TRPM1: variants seen among roughly 807,000 people sequenced by gnomAD.
TRPM1 encodes TRPM1-203 APA Isoform, Intron 10.
In TRPM1, 113 loss-of-function variants were observed where a neutral mutation model predicts 149.4. The observed-to-expected ratio is 0.76, with a 90% CI of 0.65 to 0.88. The LOEUF is 0.88. Ranked by LOEUF, TRPM1 falls within the 40% of genes least tolerant of loss-of-function variation. TRPM1 has a pLI of 0.00. For missense variants in TRPM1, 1,976 were observed against 2,038.7 expected, an observed-to-expected ratio of 0.97 and a Z score of 0.59; for synonymous variants, 741 against 759.5, an observed-to-expected ratio of 0.98 and a Z score of 0.40.
rs138567376 is a variant in TRPM1 at position 31,057,914 on chromosome 15, C to T, written c.1263+2630G>A. 6.0e-3 allele frequency among the ~76,000 whole-genome samples: 913 copies of T among 152,342 alleles called. 5 individuals carry two copies. Among genetic ancestry groups the T allele is most frequent in the Non-Finnish European group, 9.0e-3 (614 of 68,032 alleles). The stretch of plus-strand genomic sequence containing the variant: ...CAGCCCCTTGTGCTCTTTTCTCTCT[C>T]TCATGGGCTGCCGTGTAAGATGTGC... On this transcript the variant is annotated intron_variant, in intron 11 of 27. Coordinates refer to ENST00000256552, the MANE Select transcript of TRPM1 (RefSeq NM_001252024.2).
chr15:31,105,487 G>GCA (rs1491157726), upstream of TRPM1, among the ~76,000 whole-genome samples: 101 of 151,106 alleles, frequency 6.7e-4, 1 homozygote, highest in Non-Finnish European at 1.2e-3. Context: ...GCGCGCGCGC[G>GCA]TGCATCTGTA....
In TRPM1 at chr15:31,067,911, C is replaced by A; in HGVS notation, c.461G>T (p.Gly154Val). 1.9e-6 allele frequency: 3 copies of A among 1,613,574 alleles called. No individual in the cohort carries two copies. The highest frequency in any genetic ancestry group is 8.5e-7 in the Non-Finnish European group (1 of 1,179,964). Residue 154 changes from glycine to valine, a missense_variant, in exon 5 of 28, where the codon GGG becomes GTG. By Grantham distance (109) the Gly-to-Val change is moderately radical (BLOSUM62 -3). Transcript: ENST00000256552. ...KGLIKAAMTTGAWIFTGGVST... is the reference protein window; with the variant it reads ...KGLIKAAMTTVAWIFTGGVST... ...GACACCCCCGGTGAAGATCCAGGCC[C>A]CGGTGGTCATAGCAGCCTTGATCAG...
chr15:31,041,354 G>A (rs1269009626), intron 17 of TRPM1, among the ~76,000 whole-genome samples: 1 of 152,144 alleles, frequency 6.6e-6, no homozygotes, highest in Admixed American at 6.5e-5. Context: ...GTTTCACCAT[G>A]TTAGCCAGGA....
intron 27 of TRPM1, among the ~76,000 whole-genome samples, chr15:31,010,399 G>A (rs2032141508): frequency 6.6e-6 from 1 of 152,124 alleles, no homozygotes; most frequent in Non-Finnish European, 1.5e-5. Flanking sequence ...CTTTTTACAT[G>A]TGGGTCTTTA....
chr15:31,049,560 G>A (rs1166069194), intron 12 of TRPM1, 51 bp from the exon 13 acceptor site: 2 of 1,609,702 alleles, frequency 1.2e-6, no homozygotes, highest in Non-Finnish European at 1.7e-6. Context: ...AGAGACACAG[G>A]GGAGGGGGGC....
chr15:31,059,916 C>G (rs2034179060), intron 11 of TRPM1, among the ~76,000 whole-genome samples: 1 of 152,072 alleles, frequency 6.6e-6, no homozygotes, highest in Admixed American at 6.6e-5. Context: ...ACACGCTCAT[C>G]CCCATGTCAC....
chr15:31,075,048 AT>A (rs2034654384), intron 3 of TRPM1, among the ~76,000 whole-genome samples: 1 of 152,026 alleles, frequency 6.6e-6, no homozygotes, highest in African/African-American at 2.4e-5. Flanking sequence ...AGTTTGTATT[AT>A]TTCTATCCTT....
At position 31,047,187 on chromosome 15, in the gene TRPM1, A is replaced by T. The variant is rs1261040173; in HGVS notation, c.1688T>A (p.Met563Lys). ...GTAGTTGCAGCGGTAGGCTCCTCCC[A>T]TGAGGTACTCCAGCACGAGCCCGAT... ...IDIGLVLEYL[M>K]GGAYRCNYTR... Residue 563 changes from methionine (M) to lysine (K), a missense_variant, in exon 15 of 28, where the codon ATG becomes AAG. Physicochemically the swap from Met to Lys is moderately conservative, Grantham distance 95. Transcript: ENST00000256552. 17 of 1,614,078 alleles carry T rather than the reference A, an allele frequency of 1.1e-5. No individual in the cohort carries two copies. Among genetic ancestry groups the T allele is most frequent in the Admixed American group, 1.7e-5 (1 of 60,000 alleles).
intron 1 of TRPM1, among the ~76,000 whole-genome samples, chr15:31,160,176 G>A (rs1180936489): frequency 6.6e-6 from 1 of 152,158 alleles, no homozygotes. Flanking sequence ...GTGAGGTGGT[G>A]GCCTGCCCAG....
At position 31,037,696 on chromosome 15, in the gene TRPM1, A is replaced by G. The variant is rs750171576; in HGVS notation, c.2571+15T>C. 3.7e-6 allele frequency: 6 copies of G among 1,614,114 alleles called. No individual in the cohort carries two copies. In the East Asian group the frequency reaches 1.1e-4, roughly 30 times the overall value. ...AAAATATACTGAATGTCAAATGTTC[A>G]GGAGGAGGCCTCACTGTGTAAAACC... On this transcript the variant is annotated intron_variant, in intron 20 of 27. Transcript: ENST00000256552.
At position 31,035,626 on chromosome 15, in the gene TRPM1, G is replaced by A. The variant is rs1434359022; in HGVS notation, c.2620C>T (p.Arg874Trp). Residue 874 changes from arginine (R) to tryptophan (W), a missense_variant, in exon 21 of 28, where the codon CGG becomes TGG. By Grantham distance (101) the Arg-to-Trp change is moderately radical (BLOSUM62 -3). Coordinates refer to ENST00000256552, the MANE Select transcript of TRPM1 (RefSeq NM_001252024.2). ...LLLFNYVILVRMDGWPSLQEW... is the reference protein window; with the variant it reads ...LLLFNYVILVWMDGWPSLQEW... The stretch of plus-strand genomic sequence containing the variant: ...TGGAGGGACGGCCAGCCATCCATCC[G>A]CACCAGGATGACGTAGTTAAACAGC... 20 of 1,614,056 alleles carry A rather than the reference G, an allele frequency of 1.2e-5. No individual in the cohort carries two copies. The highest frequency in any genetic ancestry group is 2.2e-5 in the East Asian group (1 of 44,898).
chr15:31,049,657 A>T (rs2033890229), intron 12 of TRPM1, 148 bp from the exon 13 acceptor site: 1 of 865,296 alleles, frequency 1.2e-6, no homozygotes, highest in Admixed American at 1.9e-5. Context: ...TCTTGGGTAA[A>T]CACTCCCCAT....
intron 4 of TRPM1, chr15:31,069,362 C>A: frequency 1.1e-6 from 1 of 943,394 alleles, no homozygotes; most frequent in South Asian, 4.8e-5. Context: ...ATGTAGGGTG[C>A]CATTTCAGAA....
At chr15:31,062,084 T>C (rs2034248969) in intron 9 of TRPM1, among the ~76,000 whole-genome samples, 1 of 152,160 alleles carries the variant, frequency 6.6e-6, no homozygotes, top group Non-Finnish European at 1.5e-5. Context: ...AGGAGGGAGC[T>C]ACACTCCGAA....
At chr15:31,076,194 T>C (rs2034686454) in intron 3 of TRPM1, among the ~76,000 whole-genome samples, 1 of 152,130 alleles carries the variant, frequency 6.6e-6, no homozygotes, top group African/African-American at 2.4e-5. Context: ...AAGGGGCAGC[T>C]TGGGGATGTG....
chr15:31,071,765 A>T (rs1283617189), intron 3 of TRPM1, among the ~76,000 whole-genome samples: 1 of 151,672 alleles, frequency 6.6e-6, no homozygotes. Flanking sequence ...GGAGTCCGAG[A>T]CCAGCCTGGT....
At chr15:31,063,059 C>T (rs909365110) in intron 8 of TRPM1, 59 bp downstream of exon 8, 3 of 1,606,238 alleles carry the variant, frequency 1.9e-6, no homozygotes, top group Non-Finnish European at 2.6e-6. Context: ...AGATTTTCTC[C>T]TTGGCCCGAC....
intron 11 of TRPM1, among the ~76,000 whole-genome samples, chr15:31,056,611 C>T (rs2034093769): frequency 6.6e-6 from 1 of 152,118 alleles, no homozygotes; most frequent in Non-Finnish European, 1.5e-5. Flanking sequence ...GAAACTGAAT[C>T]CCCAGTGCAA....
chr15:31,089,225 T>C (rs1343969181), intron 1 of TRPM1, among the ~76,000 whole-genome samples: 1 of 152,196 alleles, frequency 6.6e-6, no homozygotes, highest in Non-Finnish European at 1.5e-5. Flanking sequence ...TCTCTGACCA[T>C]GTGGCCAGCG....
Sources: gnomAD v4.1 joint callset for allele counts (sites outside exome capture counted in the v4.1 genomes callset) on GRCh38, gnomAD v4.1.1 for gene constraint, MANE v1.5 for transcripts, NCBI Gene and HGNC (gene_info 2026-07-23, HGNC 2026-07-21) for gene names.